The following PCSK6 variants were observed in gnomAD, a reference collection of about 807,000 sequenced individuals.
PCSK6 encodes the protein proprotein convertase subtilisin/kexin type 6.
A neutral mutation model predicts 123.3 loss-of-function variants in PCSK6; 85 were observed. The observed-to-expected ratio is 0.69, with a 90% confidence interval of 0.58 to 0.83. The LOEUF (loss-of-function observed/expected upper bound fraction) is 0.83, where lower values mean the gene tolerates loss of function less well. Ranked by LOEUF, PCSK6 falls within the 40% of genes least tolerant of loss-of-function variation. The probability of loss-of-function intolerance (pLI) is 0.00; values close to 1 mark genes in which losing one functional copy is unlikely to be tolerated. For synonymous variants in PCSK6, 508 were observed against 516.0 expected (o/e 0.98, Z 0.21); for missense variants, 1,191 against 1,282.3 (o/e 0.93, Z 1.09).
intron 19 of PCSK6, chr15:101,313,763 G>A (rs192126054): frequency 3.3e-4 from 139 of 421,852 alleles, no homozygotes; most frequent in African/African-American, 2.4e-3. Context: ...CCCACTGGCC[G>A]TGCCACGATG....
intron 6 of PCSK6, among the ~76,000 whole-genome samples, chr15:101,425,925 A>T (rs1252176417): frequency 2.0e-5 from 3 of 152,184 alleles, no homozygotes; most frequent in Non-Finnish European, 4.4e-5. Flanking sequence ...GACCCCAGGG[A>T]GTCCTCTAAA....
chr15:101,318,466 T>C (rs1187998715), intron 18 of PCSK6, 44 bp from the exon 19 acceptor site: 1 of 1,476,976 alleles, frequency 6.8e-7, no homozygotes. Context: ...ATTCCAAAAG[T>C]CTAATTATGA....
At chr15:101,452,316 C>T (rs139035073) in intron 1 of PCSK6, among the ~76,000 whole-genome samples, 1 of 152,312 alleles carries the variant, frequency 6.6e-6, no homozygotes, top group East Asian at 1.9e-4. Flanking sequence ...CTACAAAAAG[C>T]TACCTGAAAA....
At chr15:101,353,885 T>C (rs1051958692) in intron 13 of PCSK6, among the ~76,000 whole-genome samples, 3 of 152,154 alleles carry the variant, frequency 2.0e-5, no homozygotes, top group East Asian at 1.9e-4. Context: ...GTGGAGGAGC[T>C]TGGACTCAGC....
At chr15:101,475,472 GA>G (rs1300987683) in intron 1 of PCSK6, among the ~76,000 whole-genome samples, 2 of 152,014 alleles carry the variant, frequency 1.3e-5, no homozygotes, top group African/African-American at 4.8e-5. Flanking sequence ...AATAAATAAA[GA>G]GACACTTAAC....
intron 1 of PCSK6, among the ~76,000 whole-genome samples, chr15:101,471,828 GT>G (rs2057612115): frequency 6.6e-6 from 1 of 152,146 alleles, no homozygotes; most frequent in South Asian, 2.1e-4. Context: ...GGTTTTGCCA[GT>G]TCTAGAACCT....
chr15:101,489,461 G>T lies in PCSK6; in HGVS notation c.210C>A (p.Tyr70Ter). The change falls in exon 1 of 22, where the codon TAC becomes TAA. Residue 70 changes from tyrosine (Y) to a stop codon, truncating the protein, a stop_gained. Coordinates refer to ENST00000611716, the MANE Select transcript of PCSK6 (RefSeq NM_002570.5). LOFTEE classifies it high-confidence loss of function. ...ACSAPPPRPV[Y>*]TNHWAVQVLG... ...GCACTTGCACCGCCCAGTGGTTGGTGTAGACGGGGCGCGGCGGGGGCGCGG... is the reference window on the plus strand; with the variant it reads ...GCACTTGCACCGCCCAGTGGTTGGTTTAGACGGGGCGCGGCGGGGGCGCGG... The T allele has an allele frequency of 8.8e-7, 1 of 1,139,950 alleles. No homozygotes were observed. The highest frequency in any genetic ancestry group is 1.1e-6 in the Non-Finnish European group (1 of 928,362). The allele number at this position is 1,139,950 out of a possible 1,614,324, so 70.6% of individuals were successfully genotyped here.
At chr15:101,374,200 TCTC>T (rs1483415733) in intron 11 of PCSK6, among the ~76,000 whole-genome samples, 1 of 152,018 alleles carries the variant, frequency 6.6e-6, no homozygotes, top group Non-Finnish European at 1.5e-5. Context: ...CCCGCTCCCT[TCTC>T]CTGAGGAGGC....
rs140651766 is a variant in PCSK6, at chr15:101,427,977, G to A, written c.738C>T (p.His246=). 643 of 1,571,030 alleles carry A rather than the reference G, an allele frequency of 4.1e-4. 1 individual carries two copies. The African/African-American group carries it at 7.0e-3, about 17-fold the overall frequency. Residue 246 remains histidine (H), a synonymous_variant, in exon 6 of 22, where the codon CAC becomes CAT. Coordinates refer to ENST00000611716, the MANE Select transcript of PCSK6 (RefSeq NM_002570.5). ...PRYDASNENK[H]GTRCAGEVAA... ...CAACTTCTCCCGCACAACGAGTGCC[G>A]TGTCTGAAACAAAGGAAAAAACCAA...
intron 7 of PCSK6, among the ~76,000 whole-genome samples, chr15:101,394,444 G>C (rs1017170194): frequency 6.6e-6 from 1 of 152,142 alleles, no homozygotes; most frequent in Non-Finnish European, 1.5e-5. Context: ...AAAGATTAGC[G>C]AGTGGAAGAC....
intron 15 of PCSK6, 59 bp from the exon 16 acceptor site, chr15:101,326,538 C>T: frequency 7.0e-7 from 1 of 1,434,032 alleles, no homozygotes; most frequent in East Asian, 2.5e-5. Flanking sequence ...CTACTGCAGT[C>T]CCGCGGATCC....
intron 11 of PCSK6, among the ~76,000 whole-genome samples, chr15:101,376,820 G>A (rs567227983): frequency 3.3e-5 from 5 of 152,284 alleles, no homozygotes; most frequent in African/African-American, 7.2e-5. Context: ...CCCCCAGGGC[G>A]GGACTGCACA....
Position 101,410,780 on chromosome 15 carries a change from T to C in PCSK6, c.824-12204A>G, listed in dbSNP as rs572071904. 5.3e-5 allele frequency among the ~76,000 whole-genome samples: 8 copies of C among 152,330 alleles called. No homozygotes were observed. In the South Asian group the frequency reaches 1.7e-3, roughly 32 times the overall value. ...AGGGCAACAGGCCTGAGCTCAAGCC[T>C]CTGCGCTGCCTCTTGGCAGCTGTGT... On this transcript the variant is annotated intron_variant, in intron 6 of 21. Transcript: ENST00000611716.
intron 1 of PCSK6, among the ~76,000 whole-genome samples, chr15:101,473,730 T>C (rs981601140): frequency 3.4e-4 from 52 of 152,238 alleles, no homozygotes; most frequent in African/African-American, 1.2e-3. Flanking sequence ...ATATAAAAAT[T>C]AGCTGGAGGT....
chr15:101,405,162 G>C (rs187026762), intron 6 of PCSK6, among the ~76,000 whole-genome samples: 1 of 152,104 alleles, frequency 6.6e-6, no homozygotes, highest in African/African-American at 2.4e-5. Flanking sequence ...AAATGTGAAT[G>C]GCTCTCTGGA....
At chr15:101,416,999 C>A (rs1383245420) in intron 6 of PCSK6, among the ~76,000 whole-genome samples, 1 of 152,192 alleles carries the variant, frequency 6.6e-6, no homozygotes, top group Non-Finnish European at 1.5e-5. Context: ...TGGGGTACTG[C>A]CTAGTGGACC....
intron 1 of PCSK6, among the ~76,000 whole-genome samples, chr15:101,474,170 T>C (rs1363208509): frequency 6.6e-6 from 1 of 152,228 alleles, no homozygotes; most frequent in Non-Finnish European, 1.5e-5. Flanking sequence ...GATTTCTGTT[T>C]GTTTGTTTAA....
chr15:101,445,135 T>C (rs543265516), intron 1 of PCSK6, among the ~76,000 whole-genome samples: 3 of 152,324 alleles, frequency 2.0e-5, no homozygotes, highest in Admixed American at 6.5e-5. Context: ...ATCACCTATA[T>C]AGAGCCTAGC....
rs1212693669 is a variant in PCSK6 at position 101,305,345 on chromosome 15, TGTCTC to T, written c.2818_2822del (p.Glu940IlefsTer65). 3 of 1,612,126 alleles carry T rather than the reference TGTCTC, an allele frequency of 1.9e-6. No individual in the cohort carries two copies. Among genetic ancestry groups the T allele is most frequent in the African/African-American group, 1.3e-5 (1 of 74,904 alleles). On this transcript the variant is annotated frameshift_variant, in exon 22 of 22. Coordinates refer to ENST00000611716, the MANE Select transcript of PCSK6 (RefSeq NM_002570.5). LOFTEE classifies it high-confidence loss of function. This position sits in a 1 kb window ranked among gnomAD's most constrained non-coding sequence, Gnocchi z 4.8. ...GGTTGGACTTCACCATCTCGCAGAA[TGTCTC>T]GTCAGCTGGGGCCCCGCATCAGGAA...
Sources: gnomAD v4.1 joint callset for allele counts (sites outside exome capture counted in the v4.1 genomes callset) on GRCh38, gnomAD v4.1.1 for gene constraint, Gnocchi (gnomAD v3.1) non-coding constraint, MANE v1.5 for transcripts, NCBI Gene and HGNC (gene_info 2026-07-23, HGNC 2026-07-21) for gene names.